Variants in RCN3 observed in about 807,000 individuals in gnomAD.
RCN3 encodes the protein reticulocalbin 3.
A neutral mutation model predicts 35.9 loss-of-function variants in RCN3; 41 were observed. The ratio of observed to expected loss-of-function variants is 1.14; its 90% CI spans 0.89 to 1.48. The LOEUF (loss-of-function observed/expected upper bound fraction) is 1.48, where lower values mean the gene tolerates loss of function less well. Ranked by LOEUF, RCN3 falls within the 40% of genes most tolerant of loss-of-function variation. The probability of loss-of-function intolerance (pLI) is 0.00; values close to 1 mark genes in which losing one functional copy is unlikely to be tolerated. For missense variants in RCN3, 451 were observed against 471.3 expected, an observed-to-expected ratio of 0.96 and a Z score of 0.40; for synonymous variants, 187 against 193.4, an observed-to-expected ratio of 0.97 and a Z score of 0.27.
rs34459162 is a variant in RCN3, at chr19:49,542,659, T to A, written c.786T>A (p.Asp262Glu). The A allele has an allele frequency of 1.7e-5, 27 of 1,602,078 alleles. No homozygotes were observed. The highest frequency in any genetic ancestry group is 1.7e-5 in the Admixed American group (1 of 57,318). The change falls in exon 6 of 7, where the codon GAT (aspartate) becomes GAA (glutamate). Residue 262 changes from aspartate to glutamate, a missense_variant. Physicochemically the swap from Asp to Glu is conservative, Grantham distance 45. Coordinates refer to ENST00000270645, the MANE Select transcript of RCN3 (RefSeq NM_020650.3). ...FRDLNKDGHLDGSEVGHWVLP... is the reference protein window; with the variant it reads ...FRDLNKDGHLEGSEVGHWVLP... The stretch of plus-strand genomic sequence containing the variant: ...ATCTGAACAAGGATGGGCACCTGGA[T>A]GGGAGTGAGGTGGGCCACTGGGTGC...
At chr19:49,539,032 G>C (rs1409313209) in intron 4 of RCN3, 87 bp from the exon 5 acceptor site, 2 of 908,300 alleles carry the variant, frequency 2.2e-6, no homozygotes, top group East Asian at 2.7e-5. Context: ...ATTTCCAAGA[G>C]AACCTCTCAC....
chr19:49,538,255 C>T lies in RCN3; in HGVS notation c.619-864C>T, dbSNP rs113312165. On this transcript the variant is annotated intron_variant, in intron 4 of 6. Transcript: ENST00000270645. Reference sequence around the variant, plus strand: ...TCGGCTCACTGCAAGCTCTGCCTCCCGGGTTCACTCCATTCTTCTGCCTCA... The same window carrying T: ...TCGGCTCACTGCAAGCTCTGCCTCCTGGGTTCACTCCATTCTTCTGCCTCA... 8.2e-4 allele frequency among the ~76,000 whole-genome samples: 124 copies of T among 151,450 alleles called. 1 individual carries two copies. Among genetic ancestry groups the T allele is most frequent in the African/African-American group, 2.6e-3 (109 of 41,260 alleles).
Position 49,543,103 on chromosome 19 carries a change from C to A in RCN3, c.880-3C>A. Reference sequence around the variant, plus strand: ...CCCCTCTGAACCCTGACCCTCCCTCCAGGATGGGCGGCTGAGCAAAGCGGA... The same window carrying A: ...CCCCTCTGAACCCTGACCCTCCCTCAAGGATGGGCGGCTGAGCAAAGCGGA... On this transcript the variant is annotated splice_region_variant and splice_polypyrimidine_tract_variant and intron_variant, in intron 6 of 6. Coordinates refer to ENST00000270645, the MANE Select transcript of RCN3 (RefSeq NM_020650.3). 1 of 1,613,696 alleles carries A rather than the reference C, an allele frequency of 6.2e-7. No homozygotes were observed. The highest frequency in any genetic ancestry group is 1.1e-5 in the South Asian group (1 of 91,070).
rs1421983418 is a variant in RCN3 at position 49,534,293 on chromosome 19, C to T, written c.343C>T (p.Arg115Trp). 2.0e-6 allele frequency: 3 copies of T among 1,483,804 alleles called. No individual in the cohort carries two copies. Among genetic ancestry groups the T allele is most frequent in the Non-Finnish European group, 8.9e-7 (1 of 1,119,308 alleles). The allele number at this position is 1,483,804 out of a possible 1,614,324, so 91.9% of individuals were successfully genotyped here. A position where few individuals can be genotyped will look rare whatever the true frequency, so the allele number is the denominator to read the frequency against. Residue 115 changes from arginine to tryptophan, a missense_variant, in exon 3 of 7, where the codon CGG becomes TGG. Physicochemically the swap from Arg to Trp is moderately radical, Grantham distance 101. Transcript: ENST00000270645. ...CGCGCACACGCAGCAGCGGCACATACGGGACTCGGTGAGCGCGGCCTGGGA... is the reference window on the plus strand; with the variant it reads ...CGCGCACACGCAGCAGCGGCACATATGGGACTCGGTGAGCGCGGCCTGGGA... Reference protein sequence around the residue: ...WIAHTQQRHIRDSVSAAWDTY... With the variant: ...WIAHTQQRHIWDSVSAAWDTY...
rs2080171875 is a variant in RCN3 at position 49,543,183 on chromosome 19, G to A, written c.957G>A (p.Glu319=). Residue 319 remains glutamate (E), a synonymous_variant, in exon 7 of 7, where the codon GAG becomes GAA. Coordinates refer to ENST00000270645, the MANE Select transcript of RCN3 (RefSeq NM_020650.3). Reference sequence around the variant, plus strand: ...GCAGTCAGGCCACCAACTATGGCGAGGACCTGACCCGGCACCACGATGAGC... The same window carrying A: ...GCAGTCAGGCCACCAACTATGGCGAAGACCTGACCCGGCACCACGATGAGC... ...FVGSQATNYG[E]DLTRHHDEL is the part of the protein sequence containing the mutation. 2 of 1,613,772 alleles carry A rather than the reference G, an allele frequency of 1.2e-6. No homozygotes were observed. The highest frequency in any genetic ancestry group is 1.7e-6 in the Non-Finnish European group (2 of 1,179,888).
rs528469446 is a variant in RCN3, at chr19:49,536,928, C to T, written c.446-105C>T. Reference sequence around the variant, plus strand: ...GCCTACTGATATATACTTATTAACTCCACAGAAATCTTTGTACCCCAGTAG... The same window carrying T: ...GCCTACTGATATATACTTATTAACTTCACAGAAATCTTTGTACCCCAGTAG... On this transcript the variant is annotated intron_variant, in intron 3 of 6. Coordinates refer to ENST00000270645, the MANE Select transcript of RCN3 (RefSeq NM_020650.3). 8.5e-5 allele frequency: 95 copies of T among 1,114,796 alleles called. 1 individual carries two copies. In the South Asian group the frequency reaches 1.5e-3, roughly 18 times the overall value. The allele number at this position is 1,114,796 out of a possible 1,614,324, so 69.1% of individuals were successfully genotyped here.
chr19:49,540,099 T>C (rs2080156255), intron 5 of RCN3, among the ~76,000 whole-genome samples: 1 of 152,074 alleles, frequency 6.6e-6, no homozygotes, highest in Non-Finnish European at 1.5e-5. Context: ...GAGAAAACAT[T>C]TTTCTTTCTT....
At chr19:49,536,381 A>G (rs2080135498) in intron 3 of RCN3, among the ~76,000 whole-genome samples, 1 of 146,078 alleles carries the variant, frequency 6.8e-6, no homozygotes, top group Non-Finnish European at 1.5e-5. Flanking sequence ...GCTTACTACA[A>G]CCTCATCCTC....
At chr19:49,528,975 A>G (rs181571650) in intron 2 of RCN3, among the ~76,000 whole-genome samples, 1 of 152,278 alleles carries the variant, frequency 6.6e-6, no homozygotes, top group Non-Finnish European at 1.5e-5. Flanking sequence ...TGAGGTCAGG[A>G]GTTCGAGAAC....
At chr19:49,534,170 C>A (rs1401992961) in intron 2 of RCN3, 23 bp from the exon 3 acceptor site, 3 of 1,475,594 alleles carry the variant, frequency 2.0e-6, no homozygotes, top group East Asian at 5.4e-5. Context: ...CAGAGCCTGA[C>A]GTGTGCCCGC....
intron 3 of RCN3, among the ~76,000 whole-genome samples, chr19:49,535,277 C>A (rs993760680): frequency 6.6e-6 from 1 of 152,136 alleles, no homozygotes; most frequent in African/African-American, 2.4e-5. Flanking sequence ...AATGCCCGTC[C>A]CCTCCTCTCA....
At chr19:49,534,060 C>T in intron 2 of RCN3, 133 bp from the exon 3 acceptor site, 3 of 931,048 alleles carry the variant, frequency 3.2e-6, no homozygotes, top group African/African-American at 1.8e-5. Flanking sequence ...CCGCGCCCCT[C>T]CCCAGTTAGC....
In RCN3 at chr19:49,543,476, G is replaced by T. The variant is rs892642151; in HGVS notation, c.*263G>T. 3 of 496,916 alleles carry T rather than the reference G, an allele frequency of 6.0e-6. No individual in the cohort carries two copies. The highest frequency in any genetic ancestry group is 1.1e-5 in the Non-Finnish European group (3 of 273,194). The allele number at this position is 496,916 out of a possible 1,614,324, so 30.8% of individuals were successfully genotyped here. ...CCCAGCCCAGACCCAGGGACCCTTG[G>T]CCCCAAGCTCAGCTCTAAGAACCGC... On this transcript the variant is annotated 3_prime_UTR_variant, in exon 7 of 7. Coordinates refer to ENST00000270645, the MANE Select transcript of RCN3 (RefSeq NM_020650.3).
chr19:49,531,426 A>G (rs1438184526), intron 2 of RCN3, among the ~76,000 whole-genome samples: 1 of 152,234 alleles, frequency 6.6e-6, no homozygotes, highest in Non-Finnish European at 1.5e-5. Context: ...CAGATCATGC[A>G]ATGCAAAGCC....
intron 2 of RCN3, 60 bp downstream of exon 2, chr19:49,528,774 G>A: frequency 6.9e-7 from 1 of 1,452,094 alleles, no homozygotes; most frequent in Non-Finnish European, 9.1e-7. Context: ...GAGACGCGGG[G>A]GTATCGACAG....
At chr19:49,536,281 C>T (rs1021672185) in intron 3 of RCN3, among the ~76,000 whole-genome samples, 50 of 133,692 alleles carry the variant, frequency 3.7e-4, no homozygotes, top group Admixed American at 2.1e-3. Context: ...CCACCGCACC[C>T]GGCCTACTTT....
intron 2 of RCN3, among the ~76,000 whole-genome samples, chr19:49,530,558 G>A (rs569392160): frequency 9.5e-5 from 14 of 146,964 alleles, no homozygotes; most frequent in South Asian, 8.7e-4. Context: ...GTGCAGTGGC[G>A]CAATCTCGGC....
intron 2 of RCN3, among the ~76,000 whole-genome samples, chr19:49,529,665 T>C (rs535009011): frequency 1.4e-4 from 22 of 152,062 alleles, no homozygotes; most frequent in African/African-American, 5.1e-4. Context: ...TAGAGATAAA[T>C]GCATCCAAGA....
chr19:49,529,140 C>T (rs2080096223), intron 2 of RCN3, among the ~76,000 whole-genome samples: 1 of 152,092 alleles, frequency 6.6e-6, no homozygotes, highest in Admixed American at 6.6e-5. Flanking sequence ...AAAATTGCAC[C>T]ACTGCCCTCC....
Sources: gnomAD v4.1 joint callset for allele counts (sites outside exome capture counted in the v4.1 genomes callset) on GRCh38, gnomAD v4.1.1 for gene constraint, MANE v1.5 for transcripts, NCBI Gene and HGNC (gene_info 2026-07-23, HGNC 2026-07-21) for gene names.